Variants in MARS1 observed in about 807,000 individuals in gnomAD.
The protein encoded by MARS1 is methionyl-tRNA synthetase 1, also known as methionine--tRNA ligase, cytoplasmic.
MARS1 carries 80 observed loss-of-function variants against 119.5 expected under a neutral mutation model. That is an observed-to-expected ratio of 0.67 (90% CI 0.56 to 0.81). The LOEUF (loss-of-function observed/expected upper bound fraction) is 0.81. Among genes scored for constraint, MARS1 ranks in the 30% least tolerant of loss-of-function variants. The pLI, the probability that MARS1 is intolerant of heterozygous loss-of-function variation, is 0.00. For synonymous variants in MARS1, 418 were observed against 433.4 expected (o/e 0.96, Z 0.44); for missense variants, 945 against 1,116.5 (o/e 0.85, Z 2.19).
At position 57,516,263 on chromosome 12, in the gene MARS1, C is replaced by T. The variant is rs1877821854; in HGVS notation, c.2482C>T (p.Pro828Ser). Reference sequence around the variant, plus strand: ...TCTCCAGGCAAAAACGTCCCCGAAGCCAGCAGTTGTAGAGACTGTTACAAC... The same window carrying T: ...TCTCCAGGCAAAAACGTCCCCGAAGTCAGCAGTTGTAGAGACTGTTACAAC... Reference protein sequence around the residue: ...GGGQAKTSPKPAVVETVTTAK... With the variant: ...GGGQAKTSPKSAVVETVTTAK... Residue 828 changes from proline (P) to serine (S), a missense_variant, in exon 20 of 21, where the codon CCA (proline) becomes TCA (serine). Transcript: ENST00000262027. 2 of 1,614,050 alleles carry T rather than the reference C, an allele frequency of 1.2e-6. No individual in the cohort carries two copies. Among genetic ancestry groups the T allele is most frequent in the African/African-American group, 2.7e-5 (2 of 74,918 alleles).
chr12:57,493,824 T>TAATA (rs1876376823), intron 7 of MARS1, among the ~76,000 whole-genome samples: 1 of 1,082 alleles, frequency 9.2e-4, no homozygotes, highest in Non-Finnish European at 4.5e-3. Flanking sequence ...ATTATATATA[T>TAATA]TATATTATAT....
At chr12:57,488,841 G>C in intron 1 of MARS1, 178 bp from the exon 2 acceptor site, 1 of 752,882 alleles carries the variant, frequency 1.3e-6, no homozygotes, top group Non-Finnish European at 2.2e-6. Flanking sequence ...ACACCTGCTG[G>C]CCTCTCCAGC....
In MARS1 at chr12:57,498,392, C is replaced by T. The variant is rs747597824; in HGVS notation, c.888-28C>T. Reference sequence around the variant, plus strand: ...GACAAGGAAGCGCTGAAGCGGGGCCCCCTAGCGATCACCATATTCCCTTGC... The same window carrying T: ...GACAAGGAAGCGCTGAAGCGGGGCCTCCTAGCGATCACCATATTCCCTTGC... On this transcript the variant is annotated intron_variant, in intron 8 of 20. Transcript: ENST00000262027. 2.5e-6 allele frequency: 4 copies of T among 1,609,736 alleles called. No individual in the cohort carries two copies. In the South Asian group the frequency reaches 3.3e-5, roughly 13 times the overall value.
At chr12:57,493,931 T>C (rs1479624844) in intron 7 of MARS1, among the ~76,000 whole-genome samples, 1 of 65,770 alleles carries the variant, frequency 1.5e-5, no homozygotes, top group Non-Finnish European at 2.6e-5. Flanking sequence ...ATAATATATA[T>C]TATATATTAT....
intron 7 of MARS1, among the ~76,000 whole-genome samples, chr12:57,496,952 A>T (rs1052183916): frequency 3.3e-5 from 5 of 152,108 alleles, no homozygotes; most frequent in Non-Finnish European, 5.9e-5. Flanking sequence ...GCACCTCTTC[A>T]TTACACTGAT....
chr12:57,490,403 G>C, intron 6 of MARS1, 24 bp downstream of exon 6: 1 of 1,611,504 alleles, frequency 6.2e-7, no homozygotes, highest in Non-Finnish European at 8.5e-7. Flanking sequence ...CAGAGCCTTG[G>C]GGCCTGAGGT....
At position 57,489,953 on chromosome 12, in the gene MARS1, G is replaced by C; in HGVS notation, c.472G>C (p.Asp158His). Residue 158 changes from aspartate to histidine, a missense_variant, in exon 5 of 21, where the codon GAT becomes CAT. Asp to His is a moderately conservative substitution (Grantham distance 81). Transcript: ENST00000262027. ...LWGALYPLLQ[D>H]PAYLPEELSA... ...GGGAGCCCTATACCCATTACTGCAAGATCCCGCCTACCTCCCTGGTGAGAA... is the reference window on the plus strand; with the variant it reads ...GGGAGCCCTATACCCATTACTGCAACATCCCGCCTACCTCCCTGGTGAGAA... The C allele has an allele frequency of 1.2e-6, 2 of 1,614,124 alleles. No homozygotes were observed. The highest frequency in any genetic ancestry group is 1.7e-6 in the Non-Finnish European group (2 of 1,179,986).
chr12:57,492,830 AAG>A (rs1876056658), intron 7 of MARS1, among the ~76,000 whole-genome samples: 1 of 152,126 alleles, frequency 6.6e-6, no homozygotes, highest in Non-Finnish European at 1.5e-5. Flanking sequence ...CCTGAGAAGC[AAG>A]AGAGTTTGCC....
At chr12:57,488,623 C>T (rs1386664264) in intron 1 of MARS1, 2 of 1,550,948 alleles carry the variant, frequency 1.3e-6, no homozygotes, top group Non-Finnish European at 1.7e-6. Context: ...TCTTCTCATT[C>T]TCAGCCGATT....
rs114933325 is a variant in MARS1, at chr12:57,491,846, C to T, written c.770+1202C>T. ...TTCAATAAACATTTGAGTGTTTACT[C>T]CTTTCCAGTCCCTGCATGCTAGGAG... is the stretch of plus-strand genomic sequence containing the variant. On this transcript the variant is annotated intron_variant, in intron 7 of 20. Coordinates refer to ENST00000262027, the MANE Select transcript of MARS1 (RefSeq NM_004990.4). 5.6e-3 allele frequency among the ~76,000 whole-genome samples: 845 copies of T among 152,246 alleles called. 9 individuals are homozygous for T. Among genetic ancestry groups the T allele is most frequent in the African/African-American group, 0.019 (786 of 41,536 alleles).
chr12:57,492,272 G>A (rs1169359258), intron 7 of MARS1, among the ~76,000 whole-genome samples: 3 of 138,814 alleles, frequency 2.2e-5, no homozygotes, highest in Non-Finnish European at 4.6e-5. Context: ...GAGCAAGACT[G>A]TCTCAAAAAA....
chr12:57,503,394 C>G (rs1238399620), intron 10 of MARS1, among the ~76,000 whole-genome samples: 1 of 152,014 alleles, frequency 6.6e-6, no homozygotes, highest in East Asian at 1.9e-4. Flanking sequence ...CTACCAAACC[C>G]GGCTAATTTT....
intron 7 of MARS1, among the ~76,000 whole-genome samples, chr12:57,493,368 TAA>T (rs1876113352): frequency 2.5e-5 from 2 of 81,476 alleles, no homozygotes; most frequent in South Asian, 3.2e-4. Flanking sequence ...ATGATATGTA[TAA>T]TATATATTAT....
intron 7 of MARS1, among the ~76,000 whole-genome samples, chr12:57,495,891 T>C (rs1943976718): frequency 6.6e-6 from 1 of 152,106 alleles, no homozygotes; most frequent in Admixed American, 6.5e-5. Context: ...TCCCAGGCAC[T>C]GGGCAGGCTG....
intron 10 of MARS1, among the ~76,000 whole-genome samples, chr12:57,503,487 C>T (rs1469976704): frequency 2.0e-5 from 3 of 152,028 alleles, no homozygotes; most frequent in Admixed American, 2.0e-4. Context: ...CCTGCCTCAG[C>T]CTCCCAAAGT....
intron 14 of MARS1, 135 bp downstream of exon 14, chr12:57,512,488 C>T: frequency 1.4e-6 from 1 of 721,390 alleles, no homozygotes; most frequent in South Asian, 1.7e-5. Context: ...AAAATGAGAA[C>T]TCAACCTAGA....
intron 7 of MARS1, among the ~76,000 whole-genome samples, chr12:57,496,118 C>T (rs1876617185): frequency 6.6e-6 from 1 of 151,690 alleles, no homozygotes; most frequent in South Asian, 2.1e-4. Context: ...CTTGTCTCGG[C>T]CTCCCAAAGT....
rs935467477 is a variant in MARS1, at chr12:57,516,421, C to T, written c.2557-14C>T. ...CTTGCCTCACTGTTACCTCCCCACC[C>T]CCCTTTATCTTAGGGAAACATTGTC... On this transcript the variant is annotated splice_polypyrimidine_tract_variant and intron_variant, in intron 20 of 20. Transcript: ENST00000262027. The T allele has an allele frequency of 7.4e-6, 12 of 1,612,736 alleles. No homozygotes were observed. The highest frequency in any genetic ancestry group is 1.0e-5 in the Non-Finnish European group (12 of 1,179,122).
chr12:57,488,445 G>T, intron 1 of MARS1: 3 of 940,064 alleles, frequency 3.2e-6, no homozygotes, highest in Non-Finnish European at 4.8e-6. Flanking sequence ...CCCGGTCCCC[G>T]CCTCACCCCA....
Sources: allele counts gnomAD v4.1 joint callset (sites outside exome capture counted in the v4.1 genomes callset), GRCh38; gene constraint gnomAD v4.1.1; transcripts MANE v1.5; gene names NCBI Gene and HGNC (gene_info 2026-07-23, HGNC 2026-07-21).